Variants in KANTR observed in about 807,000 individuals in gnomAD.
KANTR encodes the protein KDM5C adjacent transcript.
At chrX:53,129,268 T>TGTGTGTG (rs1569239787), downstream of KANTR, among the ~76,000 whole-genome samples, 2 of 106,400 alleles carry the variant, frequency 1.9e-5, no homozygotes, top group African/African-American at 3.4e-5. Context: ...TGTGTGTGTG[T>TGTGTGTG]TTAGTAGAGA....
At chrX:53,098,207 C>A (rs1251050371) in intron 1 of KANTR, among the ~76,000 whole-genome samples, 1 of 111,336 alleles carries the variant, frequency 9.0e-6, no homozygotes, top group Non-Finnish European at 1.9e-5. Flanking sequence ...TTTCCCAGTG[C>A]ATATAAAAGT....
intron 2 of KANTR, among the ~76,000 whole-genome samples, chrX:53,135,719 G>A (rs1216689766): frequency 2.7e-5 from 3 of 111,852 alleles, no homozygotes; most frequent in African/African-American, 9.7e-5. Flanking sequence ...TGTATCACCT[G>A]GGTCTGACCC....
At chrX:53,099,071 C>T (rs1470122601) in intron 1 of KANTR, among the ~76,000 whole-genome samples, 2 of 110,692 alleles carry the variant, frequency 1.8e-5, no homozygotes, top group African/African-American at 6.6e-5. Context: ...CTTTGTTGCC[C>T]AGGCTCCATT....
intron 2 of KANTR, among the ~76,000 whole-genome samples, 165 bp from the exon 3 acceptor site, chrX:53,123,304 T>C (rs1199190417): frequency 9.0e-6 from 1 of 111,454 alleles, no homozygotes; most frequent in Non-Finnish European, 1.9e-5. Flanking sequence ...TTTTTAAATG[T>C]TTCAAAGATA....
downstream of KANTR, among the ~76,000 whole-genome samples, chrX:53,130,632 A>G (rs781834824): frequency 3.6e-5 from 4 of 112,575 alleles, no homozygotes; most frequent in South Asian, 1.5e-3. Context: ...TACATAAAGT[A>G]TTTAGAATAA....
downstream of KANTR, among the ~76,000 whole-genome samples, chrX:53,130,996 G>A (rs1332175249): frequency 9.0e-6 from 1 of 111,487 alleles, no homozygotes; most frequent in African/African-American, 3.3e-5. Flanking sequence ...TTCTTAAGCA[G>A]TTAATAATGC....
At chrX:53,118,823 C>T (rs1556815056) in intron 2 of KANTR, among the ~76,000 whole-genome samples, 1 of 109,556 alleles carries the variant, frequency 9.1e-6, no homozygotes, top group African/African-American at 3.3e-5. Context: ...CAAGACTGGT[C>T]GTGAACTCCT....
At chrX:53,121,142 G>A (rs1387651397) in intron 2 of KANTR, among the ~76,000 whole-genome samples, 1 of 109,088 alleles carries the variant, frequency 9.2e-6, no homozygotes, top group Non-Finnish European at 1.9e-5. Context: ...GGGATTACAG[G>A]CTCCCACCAC....
exon 3 of KANTR, chrX:53,125,125 T>C (rs1336101745): frequency 4.5e-5 from 5 of 111,881 alleles, no homozygotes; most frequent in Non-Finnish European, 9.4e-5. Context: ...TAAAAATTGT[T>C]ATATATTCCT....
At chrX:53,141,772 T>C in intron 2 of KANTR, 1 of 142,398 alleles carries the variant, frequency 7.0e-6, no homozygotes, top group South Asian at 2.2e-4. Flanking sequence ...CCAAAATTTG[T>C]TGTCATCTCT....
At chrX:53,096,233 A>G in intron 1 of KANTR, among the ~76,000 whole-genome samples, 1 of 111,858 alleles carries the variant, frequency 8.9e-6, no homozygotes, top group Non-Finnish European at 1.9e-5. Flanking sequence ...CTCCCACTCA[A>G]TTATAAGCTC....
At chrX:53,138,440 A>G (rs895526205) in intron 2 of KANTR, among the ~76,000 whole-genome samples, 3 of 107,471 alleles carry the variant, frequency 2.8e-5, no homozygotes, top group Non-Finnish European at 5.8e-5. Flanking sequence ...AGGCGGGTGG[A>G]TCACCTGAGG....
chrX:53,116,338 T>C (rs1408571043), intron 2 of KANTR, among the ~76,000 whole-genome samples: 1 of 112,322 alleles, frequency 8.9e-6, no homozygotes, highest in East Asian at 2.8e-4. Context: ...ACTTTGTACT[T>C]GCACAGGGCC....
At chrX:53,128,917 A>G (rs185560985), downstream of KANTR, among the ~76,000 whole-genome samples, 284 of 110,833 alleles carry the variant, frequency 2.6e-3, 2 homozygotes, top group Non-Finnish European at 3.5e-3. Context: ...TATTATGTCT[A>G]CTATTTTTGT....
At chrX:53,139,778 G>C (rs782060268) in intron 2 of KANTR, among the ~76,000 whole-genome samples, 1 of 111,611 alleles carries the variant, frequency 9.0e-6, no homozygotes, top group Admixed American at 9.5e-5. Context: ...GTGAGCTGTG[G>C]TCATGCCACT....
intron 2 of KANTR, among the ~76,000 whole-genome samples, chrX:53,109,443 C>A (rs1556813358): frequency 9.0e-6 from 1 of 111,646 alleles, no homozygotes; most frequent in Admixed American, 9.5e-5. Flanking sequence ...TGCCACCACA[C>A]CCTGCTAATT....
chrX:53,101,225 C>T (rs143150667), intron 2 of KANTR, among the ~76,000 whole-genome samples: 1,894 of 112,831 alleles, frequency 0.017, 24 homozygotes, highest in East Asian at 0.056. Context: ...AACTGTTCGG[C>T]GCAAGAAGCC....
At position 53,104,057 on chromosome X, in the gene KANTR, T is replaced by G. The variant is rs781947524; in HGVS notation, c.-805+4449T>G. 1.6e-4 allele frequency among the ~76,000 whole-genome samples: 18 copies of G among 111,005 alleles called. No individual in the cohort carries two copies. The East Asian group carries it at 4.5e-3, about 28-fold the overall frequency. On this transcript the variant is annotated intron_variant, in intron 2 of 2. Coordinates refer to ENST00000604062, the Ensembl canonical transcript of KANTR. ...AATTCACCTTTTATTTATTTATTTT[T>G]GAGACAGGGTCTTACTGTATTGCCC...
chrX:53,129,743 T>A (rs1172043921), downstream of KANTR, among the ~76,000 whole-genome samples: 1 of 111,240 alleles, frequency 9.0e-6, no homozygotes, highest in Non-Finnish European at 1.9e-5. Context: ...CTTGCAAATG[T>A]TCCTTTTTAT....
Sources: gnomAD v4.1 joint callset for allele counts (sites outside exome capture counted in the v4.1 genomes callset) on GRCh38, gnomAD v4.1.1 for gene constraint, MANE v1.5 for transcripts, NCBI Gene and HGNC (gene_info 2026-07-23, HGNC 2026-07-21) for gene names.